LHFPL3: variants seen among roughly 807,000 people sequenced by gnomAD.
LHFPL3 encodes the protein LHFPL tetraspan subfamily member 3 protein.
LHFPL3 carries 5 observed loss-of-function variants against 19.3 expected under a neutral mutation model. The observed-to-expected ratio is 0.26, with a 90% CI of 0.14 to 0.54. The LOEUF (loss-of-function observed/expected upper bound fraction) is 0.54, where lower values mean the gene tolerates loss of function less well. Ranked by LOEUF, LHFPL3 falls within the 20% of genes least tolerant of loss-of-function variation. LHFPL3 has a pLI of 0.94. For synonymous variants in LHFPL3, 133 were observed against 126.2 expected, an observed-to-expected ratio of 1.05 and a Z score of -0.36; for missense variants, 249 against 307.4, an observed-to-expected ratio of 0.81 and a Z score of 1.42.
chr7:104,588,275 T>C (rs1790627979), intron 1 of LHFPL3, among the ~76,000 whole-genome samples: 2 of 152,194 alleles, frequency 1.3e-5, no homozygotes, highest in Non-Finnish European at 2.9e-5. Flanking sequence ...CTTTAATCCA[T>C]CTTGAATTAA....
intron 2 of LHFPL3, among the ~76,000 whole-genome samples, chr7:104,783,488 C>T (rs1002725417): frequency 2.0e-5 from 3 of 152,178 alleles, no homozygotes; most frequent in Admixed American, 6.5e-5. Flanking sequence ...TTCAAATCCA[C>T]GTGTACATCA....
At chr7:104,877,665 G>A (rs1054605037) in intron 2 of LHFPL3, among the ~76,000 whole-genome samples, 19 of 152,082 alleles carry the variant, frequency 1.2e-4, no homozygotes, top group African/African-American at 2.4e-4. Flanking sequence ...CATACATTGC[G>A]GATGGGAATG....
chr7:104,508,139 G>T (rs1288105231), intron 1 of LHFPL3, among the ~76,000 whole-genome samples: 1 of 151,894 alleles, frequency 6.6e-6, no homozygotes, highest in African/African-American at 2.4e-5. Flanking sequence ...AAATCATGCT[G>T]CTATAAAGAC....
At chr7:104,473,283 C>G (rs150294780) in intron 1 of LHFPL3, among the ~76,000 whole-genome samples, 46 of 152,234 alleles carry the variant, frequency 3.0e-4, no homozygotes, top group African/African-American at 1.1e-3. Context: ...TAAAGTTTTC[C>G]CTTAATGACA....
chr7:104,556,146 G>C (rs1789826998), intron 1 of LHFPL3, among the ~76,000 whole-genome samples: 1 of 152,170 alleles, frequency 6.6e-6, no homozygotes, highest in African/African-American at 2.4e-5. Context: ...CATGGTGCAG[G>C]CTGCCAGTGG....
intron 2 of LHFPL3, among the ~76,000 whole-genome samples, chr7:104,746,739 A>G (rs1794053820): frequency 6.6e-6 from 1 of 152,212 alleles, no homozygotes; most frequent in Non-Finnish European, 1.5e-5. Flanking sequence ...TGCCTGATAG[A>G]GATTTTATAA....
intron 1 of LHFPL3, among the ~76,000 whole-genome samples, chr7:104,408,864 C>CTTTTTTTTTTTCTTTTTTTTTT (rs1791475861): frequency 9.5e-6 from 1 of 105,436 alleles, no homozygotes; most frequent in Non-Finnish European, 1.8e-5. Context: ...AATTTTCTTT[C>CTTTTTTTTTTTCTTTTTTTTTT]TTTTTTTTTT....
At chr7:104,452,294 T>C (rs1792455374) in intron 1 of LHFPL3, among the ~76,000 whole-genome samples, 1 of 152,230 alleles carries the variant, frequency 6.6e-6, no homozygotes, top group Non-Finnish European at 1.5e-5. Flanking sequence ...TATATGTATA[T>C]GGATGAATTT....
At chr7:104,813,169 T>C (rs770074387) in intron 2 of LHFPL3, among the ~76,000 whole-genome samples, 2 of 151,826 alleles carry the variant, frequency 1.3e-5, no homozygotes, top group South Asian at 4.2e-4. Flanking sequence ...TGCCAGCTAC[T>C]GGGGAGGCTG....
chr7:104,789,710 A>G (rs1660393747), intron 2 of LHFPL3, among the ~76,000 whole-genome samples: 1 of 152,156 alleles, frequency 6.6e-6, no homozygotes, highest in South Asian at 2.1e-4. Context: ...TAATGTAGCC[A>G]TCCATTCATA....
intron 1 of LHFPL3, among the ~76,000 whole-genome samples, chr7:104,722,483 A>G (rs1184662560): frequency 6.6e-6 from 1 of 152,204 alleles, no homozygotes; most frequent in Non-Finnish European, 1.5e-5. Flanking sequence ...TAAAGCCAAA[A>G]TTTACCAGGA....
intron 2 of LHFPL3, among the ~76,000 whole-genome samples, chr7:104,840,003 G>A (rs1791164985): frequency 6.7e-6 from 1 of 150,360 alleles, no homozygotes; most frequent in Non-Finnish European, 1.5e-5. Flanking sequence ...ATTATTAATT[G>A]ATCATTAAAA....
At chr7:104,822,087 C>T (rs1790686121) in intron 2 of LHFPL3, among the ~76,000 whole-genome samples, 1 of 152,196 alleles carries the variant, frequency 6.6e-6, no homozygotes, top group East Asian at 1.9e-4. Flanking sequence ...GATTTACATC[C>T]AAAAGATGCA....
chr7:104,441,292 T>C (rs540855981), intron 1 of LHFPL3, among the ~76,000 whole-genome samples: 8 of 152,202 alleles, frequency 5.3e-5, no homozygotes, highest in African/African-American at 1.4e-4. Context: ...TTGTGCAGTA[T>C]TTTACTGGAG....
At chr7:104,488,308 A>C (rs1278902193) in intron 1 of LHFPL3, among the ~76,000 whole-genome samples, 1 of 152,168 alleles carries the variant, frequency 6.6e-6, no homozygotes, top group Non-Finnish European at 1.5e-5. Flanking sequence ...TTCCAAGAGA[A>C]GAGGTAGAAA....
chr7:104,795,178 G>C (rs1044213757), intron 2 of LHFPL3, among the ~76,000 whole-genome samples: 3 of 152,116 alleles, frequency 2.0e-5, no homozygotes, highest in African/African-American at 7.2e-5. Flanking sequence ...TGAATCCCAA[G>C]AATAATCCTT....
intron 1 of LHFPL3, among the ~76,000 whole-genome samples, chr7:104,540,178 C>T (rs117515160): frequency 1.3e-3 from 203 of 152,090 alleles, no homozygotes; most frequent in East Asian, 8.9e-3. Flanking sequence ...TGAAATTATA[C>T]GCTGTGATAG....
At chr7:104,640,725 G>A (rs1466371614) in intron 1 of LHFPL3, among the ~76,000 whole-genome samples, 1 of 152,064 alleles carries the variant, frequency 6.6e-6, no homozygotes, top group Non-Finnish European at 1.5e-5. Flanking sequence ...GTTTTGATTT[G>A]CAAGAAATGT....
chr7:104,539,347 A>G (rs1254723667), intron 1 of LHFPL3, among the ~76,000 whole-genome samples: 1 of 152,156 alleles, frequency 6.6e-6, no homozygotes, highest in African/African-American at 2.4e-5. Flanking sequence ...AGGTGAGAAG[A>G]TGCTGCTGAT....
Sources: gnomAD v4.1 joint callset for allele counts (sites outside exome capture counted in the v4.1 genomes callset) on GRCh38, gnomAD v4.1.1 for gene constraint, MANE v1.5 for transcripts, NCBI Gene and HGNC (gene_info 2026-07-23, HGNC 2026-07-21) for gene names.